EYS: variants seen among roughly 807,000 people sequenced by gnomAD.
EYS encodes the protein protein eyes shut homolog.
EYS carries 250 observed loss-of-function variants against 282.1 expected under a neutral mutation model. That is an observed-to-expected ratio of 0.89 (90% CI 0.80 to 0.98). EYS has a LOEUF of 0.98. Ranked by LOEUF, EYS falls within the 50% of genes least tolerant of loss-of-function variation. The pLI, the probability that EYS is intolerant of heterozygous loss-of-function variation, is 0.00. For synonymous variants in EYS, 1,355 were observed against 1,282.9 expected (o/e 1.06, Z -1.20); for missense variants, 4,016 against 3,709.0 (o/e 1.08, Z -2.15).
intron 36 of EYS, among the ~76,000 whole-genome samples, chr6:63,830,921 T>G (rs1740056122): frequency 6.6e-6 from 1 of 152,162 alleles, no homozygotes; most frequent in Admixed American, 6.6e-5. Flanking sequence ...TCAACATTCT[T>G]AAAGAAAAGG....
chr6:64,173,199 T>C (rs186902764), intron 31 of EYS, among the ~76,000 whole-genome samples: 3 of 152,290 alleles, frequency 2.0e-5, no homozygotes, highest in Admixed American at 6.5e-5. Flanking sequence ...ATTAAATGAC[T>C]TCATATCTGT....
At chr6:64,953,457 TA>T (rs1190145127) in intron 14 of EYS, among the ~76,000 whole-genome samples, 1 of 151,794 alleles carries the variant, frequency 6.6e-6, no homozygotes, top group Non-Finnish European at 1.5e-5. Flanking sequence ...CTCTTTTATT[TA>T]AATGTTATTT....
intron 38 of EYS, among the ~76,000 whole-genome samples, chr6:63,788,768 T>C (rs1770432982): frequency 6.6e-6 from 1 of 152,192 alleles, no homozygotes; most frequent in East Asian, 1.9e-4. Context: ...AAGCTAATAC[T>C]GGCCATTGTT....
chr6:64,944,758 T>C (rs1769217870), intron 15 of EYS, among the ~76,000 whole-genome samples: 3 of 152,124 alleles, frequency 2.0e-5, no homozygotes, highest in Admixed American at 6.6e-5. Context: ...TAAAACCCGA[T>C]TGTACATTTG....
At chr6:64,553,560 T>C (rs866563199) in intron 26 of EYS, among the ~76,000 whole-genome samples, 1 of 35,608 alleles carries the variant, frequency 2.8e-5, no homozygotes, top group Non-Finnish European at 5.3e-5. Context: ...CCCCCCCCCA[T>C]AGGCAGTTAC....
chr6:65,337,300 T>C (rs1462696333), intron 10 of EYS, among the ~76,000 whole-genome samples: 3 of 151,390 alleles, frequency 2.0e-5, no homozygotes, highest in African/African-American at 7.3e-5. Flanking sequence ...ACTGAAGCTA[T>C]AAGTTTTCTC....
chr6:64,803,992 C>T lies in EYS; in HGVS notation c.3443+9386G>A, dbSNP rs57010370. The stretch of plus-strand genomic sequence containing the variant: ...GCGCCCGGGAGGGTAGGGCTCTCAC[C>T]CAACCGACTTGGAAGGGGGCGTGGT... On this transcript the variant is annotated intron_variant, in intron 22 of 42. Transcript: ENST00000503581. 9.2e-3 allele frequency among the ~76,000 whole-genome samples: 1,394 copies of T among 152,280 alleles called. 19 individuals are homozygous for T. The highest frequency in any genetic ancestry group is 0.032 in the African/African-American group (1,328 of 41,570).
chr6:65,676,987 GACAAA>G (rs1421417776), intron 1 of EYS, among the ~76,000 whole-genome samples: 1 of 146,102 alleles, frequency 6.8e-6, no homozygotes, highest in African/African-American at 2.5e-5. Context: ...GAAAAAATTT[GACAAA>G]ACTCAGCACT....
At chr6:64,765,594 C>T (rs78208367) in intron 22 of EYS, among the ~76,000 whole-genome samples, 2,401 of 152,196 alleles carry the variant, frequency 0.016, 62 homozygotes, top group African/African-American at 0.055. Flanking sequence ...TTCATTGAAT[C>T]GCAGTTCCTC....
chr6:65,498,156 G>A (rs1020661815), intron 2 of EYS, among the ~76,000 whole-genome samples: 3 of 151,990 alleles, frequency 2.0e-5, no homozygotes, highest in Non-Finnish European at 2.9e-5. Flanking sequence ...AGGAAGAGGG[G>A]AGAAGTCTGA....
At chr6:65,100,288 A>G (rs1449311058) in intron 12 of EYS, among the ~76,000 whole-genome samples, 11 of 150,908 alleles carry the variant, frequency 7.3e-5, no homozygotes, top group Non-Finnish European at 1.6e-4. Flanking sequence ...TGTCCTTAAT[A>G]AATAAAAGAA....
intron 31 of EYS, among the ~76,000 whole-genome samples, chr6:64,176,112 C>T (rs973046429): frequency 6.6e-6 from 1 of 151,730 alleles, no homozygotes; most frequent in Non-Finnish European, 1.5e-5. Flanking sequence ...TTGTTGCTGG[C>T]AAATCAGTAG....
intron 22 of EYS, among the ~76,000 whole-genome samples, chr6:64,798,474 AAAAG>A (rs1774428067): frequency 6.6e-6 from 1 of 151,916 alleles, no homozygotes; most frequent in Non-Finnish European, 1.5e-5. Flanking sequence ...AATAAAGATA[AAAAG>A]AAAGCAAGCA....
intron 2 of EYS, among the ~76,000 whole-genome samples, chr6:65,569,492 A>T (rs1018625860): frequency 6.6e-6 from 1 of 152,168 alleles, no homozygotes; most frequent in South Asian, 2.1e-4. Context: ...AATTAGCTAC[A>T]TGATTACAAA....
At chr6:64,642,766 C>A (rs1768200859) in intron 22 of EYS, among the ~76,000 whole-genome samples, 1 of 152,196 alleles carries the variant, frequency 6.6e-6, no homozygotes, top group Non-Finnish European at 1.5e-5. Context: ...TCTCTAAAAC[C>A]CTTCTCTACA....
At chr6:64,007,799 C>A (rs1768421953) in intron 33 of EYS, among the ~76,000 whole-genome samples, 2 of 151,930 alleles carry the variant, frequency 1.3e-5, no homozygotes, top group South Asian at 4.1e-4. Flanking sequence ...GTATGATTTT[C>A]ATCATTTTTC....
At chr6:65,017,564 G>A (rs773984723) in intron 13 of EYS, among the ~76,000 whole-genome samples, 1 of 152,298 alleles carries the variant, frequency 6.6e-6, no homozygotes, top group East Asian at 1.9e-4. Context: ...GCCAGTATCA[G>A]CTAAGCTGGA....
At chr6:65,142,167 ATTTTATAATG>A (rs1453652070) in intron 12 of EYS, among the ~76,000 whole-genome samples, 1 of 152,038 alleles carries the variant, frequency 6.6e-6, no homozygotes, top group Non-Finnish European at 1.5e-5. Flanking sequence ...GTATATACGT[ATTTTATAATG>A]TATCGTACCC....
chr6:64,011,088 G>A (rs998300588), intron 33 of EYS, among the ~76,000 whole-genome samples: 1 of 151,910 alleles, frequency 6.6e-6, no homozygotes, highest in Non-Finnish European at 1.5e-5. Context: ...CAGGAGATAA[G>A]CTTTTCTATT....
Sources: gnomAD v4.1 joint callset for allele counts (sites outside exome capture counted in the v4.1 genomes callset) on GRCh38, gnomAD v4.1.1 for gene constraint, MANE v1.5 for transcripts, NCBI Gene and HGNC (gene_info 2026-07-23, HGNC 2026-07-21) for gene names.